The following SEPTIN2 variants were observed in gnomAD, a reference collection of about 807,000 sequenced individuals.
SEPTIN2 encodes septin 2.
Under a neutral mutation model 46.5 loss-of-function variants are expected in SEPTIN2, and 34 were observed. The ratio of observed to expected loss-of-function variants is 0.73; its 90% confidence interval spans 0.56 to 0.97. SEPTIN2 has a LOEUF of 0.97. Ranked by LOEUF, SEPTIN2 falls within the 50% of genes least tolerant of loss-of-function variation. The pLI is 0.00. For missense variants in SEPTIN2, 347 were observed against 448.4 expected (o/e 0.77, Z 2.04); for synonymous variants, 175 against 153.4 (o/e 1.14, Z -1.04).
Position 241,337,657 on chromosome 2 carries a change from C to T in SEPTIN2, c.477-16C>T, listed in dbSNP as rs950278763. 6.3e-7 allele frequency: 1 copy of T among 1,597,946 alleles called. No individual in the cohort carries two copies. The highest frequency in any genetic ancestry group is 8.5e-7 in the Non-Finnish European group (1 of 1,171,424). On this transcript the variant is annotated splice_polypyrimidine_tract_variant and intron_variant, in intron 6 of 12. Coordinates refer to ENST00000391971, the MANE Select transcript of SEPTIN2 (RefSeq NM_004404.5). ...TATTTTTTTTAAATAAGTGACAATT[C>T]TAAAATTAATTTTAGACTTAAGCCC...
chr2:241,338,614 A>G (rs962407416), intron 7 of SEPTIN2, among the ~76,000 whole-genome samples: 4 of 132,300 alleles, frequency 3.0e-5, no homozygotes, highest in African/African-American at 1.1e-4. Context: ...TTTTATATAT[A>G]TAATATATAA....
intron 3 of SEPTIN2, among the ~76,000 whole-genome samples, chr2:241,328,482 A>C (rs185052757): frequency 2.0e-5 from 3 of 150,918 alleles, no homozygotes; most frequent in Admixed American, 6.6e-5. Context: ...CATGCCTGTA[A>C]TCACAGCATC....
chr2:241,329,974 T>C (rs1487660705), intron 3 of SEPTIN2, among the ~76,000 whole-genome samples: 1 of 152,234 alleles, frequency 6.6e-6, no homozygotes, highest in Non-Finnish European at 1.5e-5. Context: ...ATTTCCTCAT[T>C]ACGGCCAGCA....
chr2:241,350,106 C>A lies in SEPTIN2; in HGVS notation c.1018C>A (p.Gln340Lys). The change falls in exon 12 of 13, where the codon CAG becomes AAG. Residue 340 changes from glutamine to lysine, a missense_variant. Coordinates refer to ENST00000391971, the MANE Select transcript of SEPTIN2 (RefSeq NM_004404.5). ...RRMQEMIARM[Q>K]AQMQMQMQGG... ...CATGCAAGAGATGATTGCAAGGATG[C>A]AGGCGCAGATGCAGATGCAGATGCA... 6.2e-7 allele frequency: 1 copy of A among 1,614,084 alleles called. No homozygotes were observed. Among genetic ancestry groups the A allele is most frequent in the Non-Finnish European group, 8.5e-7 (1 of 1,179,952 alleles).
chr2:241,337,893 G>A, intron 7 of SEPTIN2, 103 bp downstream of exon 7: 1 of 688,358 alleles, frequency 1.5e-6, no homozygotes, highest in Non-Finnish European at 2.4e-6. Context: ...GGTGTCGGGA[G>A]GCAGGGCGGG....
intron 1 of SEPTIN2, chr2:241,317,526 G>A: frequency 2.0e-6 from 2 of 978,610 alleles, no homozygotes; most frequent in African/African-American, 1.8e-5. Context: ...AAAAGAAGAA[G>A]TTGTGGGTAT....
chr2:241,338,697 T>G (rs1278504121), intron 7 of SEPTIN2, among the ~76,000 whole-genome samples: 2 of 113,312 alleles, frequency 1.8e-5, no homozygotes, highest in African/African-American at 6.5e-5. Flanking sequence ...GTAATATATA[T>G]TATATTTATA....
intron 9 of SEPTIN2, among the ~76,000 whole-genome samples, chr2:241,345,349 C>A (rs932024889): frequency 6.6e-6 from 1 of 152,186 alleles, no homozygotes; most frequent in Admixed American, 6.5e-5. Flanking sequence ...AGAAGTTAAG[C>A]GCACTCAGCC....
At chr2:241,343,688 G>A (rs562531946) in intron 8 of SEPTIN2, 64 bp from the exon 9 acceptor site, 2 of 1,584,472 alleles carry the variant, frequency 1.3e-6, no homozygotes, top group East Asian at 2.2e-5. Flanking sequence ...TAATGTTCTC[G>A]TGTTGCCAGT....
At chr2:241,335,530 G>C (rs2079805046) in intron 4 of SEPTIN2, 1 of 660,872 alleles carries the variant, frequency 1.5e-6, no homozygotes, top group Non-Finnish European at 2.6e-6. Context: ...TGTGTAACTA[G>C]AAGATTACTA....
In SEPTIN2 at chr2:241,325,976, T is replaced by G; in HGVS notation, c.10-17T>G. The stretch of plus-strand genomic sequence containing the variant: ...CTAAGGTGTTTATTAGTTTGTTTGT[T>G]TTTTAATCTTATTTAGCAACAGCCA... On this transcript the variant is annotated splice_polypyrimidine_tract_variant and intron_variant, in intron 2 of 12. Coordinates refer to ENST00000391971, the MANE Select transcript of SEPTIN2 (RefSeq NM_004404.5). The G allele has an allele frequency of 6.2e-7, 1 of 1,607,786 alleles. No homozygotes were observed. Among genetic ancestry groups the G allele is most frequent in the Non-Finnish European group, 8.5e-7 (1 of 1,177,412 alleles).
At chr2:241,332,013 TTATG>T (rs757121138) in intron 3 of SEPTIN2, among the ~76,000 whole-genome samples, 15 of 152,298 alleles carry the variant, frequency 9.8e-5, no homozygotes, top group Middle Eastern at 6.8e-3. Flanking sequence ...AACTAGATGA[TTATG>T]TGTGAAAAAA....
chr2:241,330,140 C>A (rs980298382), intron 3 of SEPTIN2, among the ~76,000 whole-genome samples: 1 of 152,084 alleles, frequency 6.6e-6, no homozygotes, highest in Non-Finnish European at 1.5e-5. Flanking sequence ...TTAAATCTTA[C>A]CGAGTCCAGC....
At position 241,338,984 on chromosome 2, in the gene SEPTIN2, ATATT is replaced by A. The variant is rs1192801061; in HGVS notation, c.594+1198_594+1201del. Among the ~76,000 whole-genome samples, 360 of 111,062 alleles carry A rather than the reference ATATT, an allele frequency of 3.2e-3. 2 individuals are homozygous for A. Among genetic ancestry groups the A allele is most frequent in the Middle Eastern group, 0.031 (8 of 260 alleles). 72.9% of individuals were successfully genotyped at this position (111,062 alleles called of 152,430 possible). A position where few individuals can be genotyped will look rare whatever the true frequency, so the allele number is the denominator to read the frequency against. On this transcript the variant is annotated intron_variant, in intron 7 of 12. Transcript: ENST00000391971. ...TATATTATAAATATAATATATAAAT[ATATT>A]TATAAATATATATAAATATTATATT...
At chr2:241,317,479 C>T (rs1009986881) in intron 1 of SEPTIN2, 1 of 958,948 alleles carries the variant, frequency 1.0e-6, no homozygotes, top group Non-Finnish European at 1.2e-6. Flanking sequence ...TTCAGGGCCC[C>T]TTTTTATCCC....
intron 1 of SEPTIN2, among the ~76,000 whole-genome samples, chr2:241,322,700 C>G (rs552889815): frequency 4.1e-4 from 63 of 152,232 alleles, no homozygotes; most frequent in African/African-American, 1.3e-3. Context: ...GTACTATTTC[C>G]TTTCCTCATA....
chr2:241,337,626 T>G (rs544652065), intron 6 of SEPTIN2, 47 bp from the exon 7 acceptor site: 3 of 1,585,266 alleles, frequency 1.9e-6, no homozygotes, highest in Admixed American at 3.5e-5. Context: ...AGAAGAGTTT[T>G]GTATGTATTT....
At chr2:241,328,707 A>T (rs2078434518) in intron 3 of SEPTIN2, among the ~76,000 whole-genome samples, 2 of 151,358 alleles carry the variant, frequency 1.3e-5, no homozygotes, top group Admixed American at 1.3e-4. Context: ...CCATCATTGC[A>T]CTCCAGCCGG....
intron 1 of SEPTIN2, among the ~76,000 whole-genome samples, chr2:241,319,855 A>G (rs2076892143): frequency 6.6e-6 from 1 of 152,156 alleles, no homozygotes; most frequent in Non-Finnish European, 1.5e-5. Context: ...CAGCTTCCCA[A>G]AGTGCTGGTA....
Sources: gnomAD v4.1 joint callset for allele counts (sites outside exome capture counted in the v4.1 genomes callset) on GRCh38, gnomAD v4.1.1 for gene constraint, MANE v1.5 for transcripts, NCBI Gene and HGNC (gene_info 2026-07-23, HGNC 2026-07-21) for gene names.